Variants in WWOX observed in about 807,000 individuals in gnomAD.
The protein encoded by WWOX is WW domain containing oxidoreductase.
A neutral mutation model predicts 46.2 loss-of-function variants in WWOX; 69 were observed. The ratio of observed to expected loss-of-function variants is 1.49; its 90% CI spans 1.23 to 1.82. WWOX has a LOEUF of 1.82. WWOX is among the 40% of genes most tolerant of loss of function. The pLI is 0.00. For synonymous variants in WWOX, 359 were observed against 202.6 expected, an observed-to-expected ratio of 1.77 and a Z score of -6.56; for missense variants, 919 against 542.6, an observed-to-expected ratio of 1.69 and a Z score of -6.89.
At chr16:78,893,952 T>C (rs1482887882) in intron 8 of WWOX, among the ~76,000 whole-genome samples, 1 of 152,066 alleles carries the variant, frequency 6.6e-6, no homozygotes, top group East Asian at 1.9e-4. Context: ...GAGCAGATAT[T>C]GTGTCTGTGA....
At chr16:79,001,522 G>A (rs952312635) in intron 8 of WWOX, among the ~76,000 whole-genome samples, 33 of 152,122 alleles carry the variant, frequency 2.2e-4, no homozygotes, top group African/African-American at 4.6e-4. Context: ...AAATTAAGTC[G>A]AAGTACATTT....
chr16:78,863,973 C>T (rs957367703), intron 8 of WWOX, among the ~76,000 whole-genome samples: 5 of 152,148 alleles, frequency 3.3e-5, no homozygotes, highest in African/African-American at 1.2e-4. Flanking sequence ...TATGGATATA[C>T]CAAATATTTT....
intron 8 of WWOX, chr16:78,525,438 G>A (rs1353512581): frequency 1.3e-5 from 2 of 152,084 alleles, no homozygotes; most frequent in African/African-American, 4.8e-5. Flanking sequence ...ACCAGCCTTG[G>A]CCTCCCAAAG....
At chr16:79,147,704 C>T (rs187089274) in intron 8 of WWOX, among the ~76,000 whole-genome samples, 49 of 152,268 alleles carry the variant, frequency 3.2e-4, no homozygotes, top group Non-Finnish European at 5.6e-4. Context: ...TTTCCACCAG[C>T]ATTTGGTGAT....
chr16:79,031,317 TC>T (rs1328540555), intron 8 of WWOX, among the ~76,000 whole-genome samples: 1 of 152,132 alleles, frequency 6.6e-6, no homozygotes, highest in Non-Finnish European at 1.5e-5. Context: ...TTGGTACTGA[TC>T]ACTGTCCCAT....
At chr16:78,335,995 G>A (rs1314975471) in intron 5 of WWOX, among the ~76,000 whole-genome samples, 1 of 152,052 alleles carries the variant, frequency 6.6e-6, no homozygotes, top group African/African-American at 2.4e-5. Context: ...GGAAGGCTGG[G>A]GCAGGAGAAT....
At chr16:78,399,100 A>G (rs1262231659) in intron 6 of WWOX, among the ~76,000 whole-genome samples, 1 of 150,356 alleles carries the variant, frequency 6.7e-6, no homozygotes, top group Non-Finnish European at 1.5e-5. Context: ...GAAGGGGTGG[A>G]AGGGGATGCA....
At chr16:78,970,572 A>C (rs987124405) in intron 8 of WWOX, among the ~76,000 whole-genome samples, 6 of 152,214 alleles carry the variant, frequency 3.9e-5, no homozygotes, top group Non-Finnish European at 8.8e-5. Context: ...TGGAAGTGGA[A>C]GAGTAAGACA....
At chr16:79,104,112 G>T (rs1048159682) in intron 8 of WWOX, among the ~76,000 whole-genome samples, 1 of 147,584 alleles carries the variant, frequency 6.8e-6, no homozygotes, top group Non-Finnish European at 1.5e-5. Context: ...TTCTTTTTCA[G>T]CCCTGGGAGG....
In WWOX at chr16:78,211,926, T is replaced by A. The variant is rs547177868; in HGVS notation, c.516+47637T>A. Among the ~76,000 whole-genome samples the A allele has an allele frequency of 3.3e-5, 5 of 152,346 alleles. No individual in the cohort carries two copies. The South Asian group carries it at 1.0e-3, about 32-fold the overall frequency. ...CTACCCTCTCTGAGCTGAGTTTGTT[T>A]TGGACACTGGAGATAATGCATGTTA... On this transcript the variant is annotated intron_variant, in intron 5 of 8. Transcript: ENST00000566780.
At chr16:78,191,077 C>G (rs977085032) in intron 5 of WWOX, among the ~76,000 whole-genome samples, 2 of 152,198 alleles carry the variant, frequency 1.3e-5, no homozygotes, top group African/African-American at 2.4e-5. Context: ...AGCCCTCTTT[C>G]CAACCGCAGT....
In WWOX at chr16:78,546,718, G is replaced by A. The variant is rs555899155; in HGVS notation, c.1056+113966G>A. On this transcript the variant is annotated intron_variant, in intron 8 of 8. Coordinates refer to ENST00000566780, the MANE Select transcript of WWOX (RefSeq NM_016373.4). Reference sequence around the variant, plus strand: ...TTAAGAAGTGCATCAGGTTCTTCTGGTACTGATTGTCCATGAACCACACTT... The same window carrying A: ...TTAAGAAGTGCATCAGGTTCTTCTGATACTGATTGTCCATGAACCACACTT... Among the ~76,000 whole-genome samples the A allele has an allele frequency of 2.0e-5, 3 of 152,200 alleles. No individual in the cohort carries two copies. In the South Asian group the frequency reaches 6.2e-4, roughly 32 times the overall value.
At chr16:78,110,003 C>T (rs2032397086) in intron 3 of WWOX, among the ~76,000 whole-genome samples, 168 bp downstream of exon 3, 1 of 151,398 alleles carries the variant, frequency 6.6e-6, no homozygotes, top group Non-Finnish European at 1.5e-5. Flanking sequence ...TTTAACATCG[C>T]TAGATTTATT....
At chr16:78,392,314 C>T (rs4632142) in intron 6 of WWOX, among the ~76,000 whole-genome samples, 5 of 152,108 alleles carry the variant, frequency 3.3e-5, no homozygotes, top group South Asian at 4.2e-4. Context: ...ATGCTCCTTA[C>T]GAAAATCTAA....
intron 8 of WWOX, among the ~76,000 whole-genome samples, chr16:78,783,232 T>G (rs754027737): frequency 7.2e-5 from 11 of 152,232 alleles, no homozygotes; most frequent in Non-Finnish European, 1.5e-4. Flanking sequence ...AACTGTTCTC[T>G]TAGTCATCAG....
chr16:78,420,271 C>T (rs1031587482), intron 6 of WWOX, among the ~76,000 whole-genome samples: 1 of 152,050 alleles, frequency 6.6e-6, no homozygotes, highest in Non-Finnish European at 1.5e-5. Context: ...CTAGATGTAT[C>T]TTGAAGAGAA....
At chr16:78,935,647 T>G (rs759476792) in intron 8 of WWOX, among the ~76,000 whole-genome samples, 5 of 151,598 alleles carry the variant, frequency 3.3e-5, no homozygotes, top group Non-Finnish European at 5.9e-5. Flanking sequence ...AGGAGATATA[T>G]CTAATGTAAA....
chr16:78,778,736 C>T (rs576476533), intron 8 of WWOX, among the ~76,000 whole-genome samples: 1 of 152,168 alleles, frequency 6.6e-6, no homozygotes, highest in South Asian at 2.1e-4. Flanking sequence ...AGGAAGACTT[C>T]TCTTGAAAAA....
chr16:79,060,320 T>G (rs1244510895), intron 8 of WWOX, among the ~76,000 whole-genome samples: 1 of 152,240 alleles, frequency 6.6e-6, no homozygotes, highest in East Asian at 1.9e-4. Flanking sequence ...CTGACTGTCA[T>G]GCATTTTATA....
Sources: allele counts gnomAD v4.1 joint callset (sites outside exome capture counted in the v4.1 genomes callset), GRCh38; gene constraint gnomAD v4.1.1; transcripts MANE v1.5; gene names NCBI Gene and HGNC (gene_info 2026-07-23, HGNC 2026-07-21).